The following SLC47A2 variants were observed in gnomAD, a reference collection of about 807,000 sequenced individuals.
SLC47A2 encodes solute carrier family 47 member 2.
A neutral mutation model predicts 67.7 loss-of-function variants in SLC47A2; 52 were observed. That is an observed-to-expected ratio of 0.77 (90% CI 0.61 to 0.97). The LOEUF (loss-of-function observed/expected upper bound fraction) is 0.97, where lower values mean the gene tolerates loss of function less well. Ranked by LOEUF, SLC47A2 falls within the 50% of genes least tolerant of loss-of-function variation. The pLI is 0.00. For synonymous variants in SLC47A2, 278 were observed against 292.9 expected, an observed-to-expected ratio of 0.95 and a Z score of 0.52; for missense variants, 676 against 712.3, an observed-to-expected ratio of 0.95 and a Z score of 0.58.
chr17:19,682,804 C>T (rs1209103087), intron 13 of SLC47A2, among the ~76,000 whole-genome samples: 1 of 152,226 alleles, frequency 6.6e-6, no homozygotes, highest in Non-Finnish European at 1.5e-5. Context: ...ACAAGCAGCC[C>T]TCACCCACTG....
At chr17:19,711,339 C>A (rs1008786895) in intron 5 of SLC47A2, among the ~76,000 whole-genome samples, 1 of 151,174 alleles carries the variant, frequency 6.6e-6, no homozygotes, top group Non-Finnish European at 1.5e-5. Context: ...CGCCTGTAAT[C>A]CCAGCACTTT....
rs1228048961 is a variant in SLC47A2, at chr17:19,706,656, A to G, written c.833T>C (p.Phe278Ser). The G allele has an allele frequency of 6.3e-7, 1 of 1,596,376 alleles. No homozygotes were observed. Among genetic ancestry groups the G allele is most frequent in the East Asian group, 2.3e-5 (1 of 43,380 alleles). The change falls in exon 9 of 17, where the codon TTC becomes TCC. Residue 278 changes from phenylalanine to serine, a missense_variant. Coordinates refer to ENST00000433844, the MANE Select transcript of SLC47A2 (RefSeq NM_001099646.3). ...CATCCTCTTCCACGTACCCATGAGG[A>G]AGCTCCCGATCTCATAGGCCCACCA... is the stretch of plus-strand genomic sequence containing the variant. ...VEWWAYEIGS[F>S]LMGLLSVVDL...
At chr17:19,697,121 C>G (rs1010851116) in intron 13 of SLC47A2, among the ~76,000 whole-genome samples, 1 of 152,088 alleles carries the variant, frequency 6.6e-6, no homozygotes, top group African/African-American at 2.4e-5. Flanking sequence ...GAAACCCTGT[C>G]TCTACTAAAA....
intron 13 of SLC47A2, among the ~76,000 whole-genome samples, chr17:19,692,925 G>A (rs567406382): frequency 1.3e-5 from 2 of 152,268 alleles, no homozygotes; most frequent in South Asian, 2.1e-4. Flanking sequence ...GAGGTCAGGA[G>A]ATCAAGACCA....
upstream of SLC47A2, chr17:19,717,837 G>GGT (rs2152368794): frequency 6.6e-6 from 1 of 152,318 alleles, no homozygotes; most frequent in African/African-American, 2.4e-5. Flanking sequence ...GATCCTCCCA[G>GGT]GATCACCTGG....
At chr17:19,715,354 G>A (rs1023927639) in intron 1 of SLC47A2, 137 bp from the exon 2 acceptor site, 11 of 705,368 alleles carry the variant, frequency 1.6e-5, no homozygotes, top group Non-Finnish European at 2.4e-5. Context: ...AGCCAGGGCT[G>A]GAGGTCGGAT....
intron 5 of SLC47A2, among the ~76,000 whole-genome samples, chr17:19,710,292 A>G (rs1486855351): frequency 6.6e-6 from 1 of 152,204 alleles, no homozygotes; most frequent in Non-Finnish European, 1.5e-5. Context: ...ACCTAGATAG[A>G]TGTACTGTTG....
chr17:19,689,516 G>A (rs556633858), intron 13 of SLC47A2, among the ~76,000 whole-genome samples: 2 of 151,988 alleles, frequency 1.3e-5, no homozygotes, highest in African/African-American at 4.8e-5. Flanking sequence ...GGGCAACATG[G>A]CGAAACCCTG....
chr17:19,711,588 CAAAAAAAA>C (rs35308426), intron 5 of SLC47A2, among the ~76,000 whole-genome samples: 688 of 32,976 alleles, frequency 0.021, 5 homozygotes, highest in African/African-American at 0.06. Context: ...AACTCCGTCT[CAAAAAAAA>C]AAAAAAAAAA....
At chr17:19,704,799 G>T (rs2152351638) in intron 10 of SLC47A2, 5 of 827,412 alleles carry the variant, frequency 6.0e-6, no homozygotes, top group Non-Finnish European at 7.3e-6. Context: ...GCAGGAATGT[G>T]GCCTGCTGCT....
At chr17:19,686,588 G>A (rs1288835018) in intron 13 of SLC47A2, among the ~76,000 whole-genome samples, 2 of 152,248 alleles carry the variant, frequency 1.3e-5, no homozygotes, top group Non-Finnish European at 2.9e-5. Context: ...CACATAGACT[G>A]AAAATAAAGA....
Position 19,707,917 on chromosome 17 carries a change from C to T in SLC47A2, c.630-74G>A, listed in dbSNP as rs139202527. 5 of 1,404,992 alleles carry T rather than the reference C, an allele frequency of 3.6e-6. No individual in the cohort carries two copies. In the East Asian group the frequency reaches 7.5e-5, roughly 21 times the overall value. 87.0% of individuals were successfully genotyped at this position (1,404,992 alleles called of 1,614,324 possible). A position where few individuals can be genotyped will look rare whatever the true frequency, so the allele number is the denominator to read the frequency against. On this transcript the variant is annotated intron_variant, in intron 7 of 16. Coordinates refer to ENST00000433844, the MANE Select transcript of SLC47A2 (RefSeq NM_001099646.3). ...ACCGCCCTGCCTGAGAGAGAGGTGG[C>T]TCTGGCGGCCAGCCCGTGTGGGGCA...
chr17:19,686,371 A>C (rs2085429014), intron 13 of SLC47A2, among the ~76,000 whole-genome samples: 1 of 152,218 alleles, frequency 6.6e-6, no homozygotes. Flanking sequence ...CTTCACAAAA[A>C]GGAAGACAAG....
At chr17:19,705,532 C>A in intron 9 of SLC47A2, 29 bp from the exon 10 acceptor site, 1 of 1,600,364 alleles carries the variant, frequency 6.2e-7, no homozygotes, top group Non-Finnish European at 8.5e-7. Flanking sequence ...GTGAGTCCGG[C>A]CCGCAGCCCC....
rs769586186 is a variant in SLC47A2, at chr17:19,715,173, A to C, written c.168T>G (p.Thr56=). The change falls in exon 2 of 17, where the codon ACT becomes ACG. Residue 56 remains threonine (T), a synonymous_variant. Transcript: ENST00000433844. ...CCTTGCCCAGGTGCCCGCAGAACAC[A>C]GTGCTCACGATGTAGATCATAAAAG... ...VLTFMIYIVS[T]VFCGHLGKVE... is the part of the protein sequence containing the mutation. 1 of 1,612,228 alleles carries C rather than the reference A, an allele frequency of 6.2e-7. No individual in the cohort carries two copies. The highest frequency in any genetic ancestry group is 8.5e-7 in the Non-Finnish European group (1 of 1,179,990).
At chr17:19,714,299 C>T (rs576645223) in intron 3 of SLC47A2, 241 of 383,206 alleles carry the variant, frequency 6.3e-4, no homozygotes, top group African/African-American at 4.6e-3. Flanking sequence ...GAGGCCTTGC[C>T]GCTTTGTGAC....
intron 10 of SLC47A2, 110 bp from the exon 11 acceptor site, chr17:19,704,288 A>G (rs1353952627): frequency 4.8e-6 from 4 of 829,108 alleles, no homozygotes; most frequent in East Asian, 5.6e-5. Flanking sequence ...AGCAGATCTC[A>G]GGCATGCAGT....
In SLC47A2 at chr17:19,706,699, G is replaced by A; in HGVS notation, c.790C>T (p.Leu264Phe). Residue 264 changes from leucine to phenylalanine, a missense_variant, in exon 9 of 17, where the codon CTC (leucine) becomes TTC (phenylalanine). Physicochemically the swap from Leu to Phe is conservative, Grantham distance 22 (BLOSUM62 0). Coordinates refer to ENST00000433844, the MANE Select transcript of SLC47A2 (RefSeq NM_001099646.3). Reference protein sequence around the residue: ...PFFSLAVPSMLMICVEWWAYE... With the variant: ...PFFSLAVPSMFMICVEWWAYE... ...GCCCACCACTCAACACAGATCATGA[G>A]CATGCTGGGGACAGCCAGGGAGAAG... 1 of 1,611,508 alleles carries A rather than the reference G, an allele frequency of 6.2e-7. No homozygotes were observed. Among genetic ancestry groups the A allele is most frequent in the East Asian group, 2.2e-5 (1 of 44,674 alleles).
intron 6 of SLC47A2, 54 bp downstream of exon 6, chr17:19,708,662 G>A (rs1313819190): frequency 6.2e-7 from 1 of 1,609,338 alleles, no homozygotes. Flanking sequence ...CCCTCCCACT[G>A]GAATAGGGCA....
Sources: gnomAD v4.1 joint callset for allele counts (sites outside exome capture counted in the v4.1 genomes callset) on GRCh38, gnomAD v4.1.1 for gene constraint, MANE v1.5 for transcripts, NCBI Gene and HGNC (gene_info 2026-07-23, HGNC 2026-07-21) for gene names.